Variants in MACROD2 observed in about 807,000 individuals in gnomAD.
MACROD2 encodes the protein ADP-ribose glycohydrolase MACROD2.
Under a neutral mutation model 70.4 loss-of-function variants are expected in MACROD2, and 36 were observed. The observed-to-expected ratio is 0.51, with a 90% CI of 0.39 to 0.68. The LOEUF (loss-of-function observed/expected upper bound fraction) is 0.68. MACROD2 is among the 30% of genes least tolerant of loss of function. The probability of loss-of-function intolerance (pLI) is 0.00; values close to 1 mark genes in which losing one functional copy is unlikely to be tolerated. For synonymous variants in MACROD2, 172 were observed against 178.8 expected, an observed-to-expected ratio of 0.96 and a Z score of 0.30; for missense variants, 496 against 538.4, an observed-to-expected ratio of 0.92 and a Z score of 0.78.
chr20:15,057,863 T>C (rs1328933442), intron 5 of MACROD2, among the ~76,000 whole-genome samples: 1 of 152,212 alleles, frequency 6.6e-6, no homozygotes, highest in African/African-American at 2.4e-5. Flanking sequence ...TTTTGATCTC[T>C]CACTGCCCCT....
rs1054354479 is a variant in MACROD2, at chr20:14,792,276, T to C, written c.418+107317T>C. Among the ~76,000 whole-genome samples, 11 of 152,148 alleles carry C rather than the reference T, an allele frequency of 7.2e-5. 1 individual carries two copies. Among genetic ancestry groups the C allele is most frequent in the Non-Finnish European group, 1.0e-4 (7 of 68,022 alleles). ...CTGTTAGATTAGTTCTGAATTGTTC[T>C]GTGTTACTTGTGGATACACACACAT... On this transcript the variant is annotated intron_variant, in intron 5 of 17. Coordinates refer to ENST00000684519, the MANE Select transcript of MACROD2 (RefSeq NM_001351661.2).
At chr20:14,163,818 A>G (rs1303937774) in intron 3 of MACROD2, among the ~76,000 whole-genome samples, 1 of 151,206 alleles carries the variant, frequency 6.6e-6, no homozygotes, top group Non-Finnish European at 1.5e-5. Flanking sequence ...TTTTTATGAT[A>G]TGTTTTTGGT....
At chr20:15,888,387 T>C (rs1364069414) in intron 10 of MACROD2, among the ~76,000 whole-genome samples, 1 of 152,166 alleles carries the variant, frequency 6.6e-6, no homozygotes, top group Non-Finnish European at 1.5e-5. Flanking sequence ...TGAAATGTCC[T>C]TGGAGTATCT....
At chr20:14,714,842 C>T (rs1568754529) in intron 5 of MACROD2, among the ~76,000 whole-genome samples, 2 of 152,166 alleles carry the variant, frequency 1.3e-5, no homozygotes, top group Non-Finnish European at 2.9e-5. Flanking sequence ...ATTACATGTG[C>T]GGTTTCACCA....
intron 5 of MACROD2, among the ~76,000 whole-genome samples, chr20:14,872,102 G>A (rs1160781283): frequency 1.3e-5 from 2 of 151,802 alleles, no homozygotes; most frequent in African/African-American, 4.8e-5. Context: ...GACAATATTC[G>A]ACAGATCACT....
intron 3 of MACROD2, among the ~76,000 whole-genome samples, chr20:14,357,698 G>A (rs1367901601): frequency 6.6e-6 from 1 of 152,220 alleles, no homozygotes; most frequent in Non-Finnish European, 1.5e-5. Context: ...ACTCTGGGTT[G>A]CAAACAACTG....
chr20:15,213,428 T>C (rs1245238422), intron 5 of MACROD2, among the ~76,000 whole-genome samples: 1 of 152,138 alleles, frequency 6.6e-6, no homozygotes, highest in Non-Finnish European at 1.5e-5. Context: ...GGGACCATTT[T>C]TTTTTTCCTA....
intron 8 of MACROD2, among the ~76,000 whole-genome samples, chr20:15,584,821 TC>T (rs2048574975): frequency 6.6e-6 from 1 of 152,134 alleles, no homozygotes; most frequent in African/African-American, 2.4e-5. Flanking sequence ...TGTGTCTACT[TC>T]CACTTTCCTC....
chr20:14,306,732 G>T (rs1314876857), intron 3 of MACROD2, among the ~76,000 whole-genome samples: 1 of 151,988 alleles, frequency 6.6e-6, no homozygotes, highest in Non-Finnish European at 1.5e-5. Context: ...AAATAGAGAG[G>T]CTGAGAGCAA....
intron 3 of MACROD2, among the ~76,000 whole-genome samples, chr20:14,343,957 C>T (rs1006954890): frequency 1.2e-4 from 18 of 152,162 alleles, no homozygotes; most frequent in Admixed American, 1.1e-3. Flanking sequence ...AGTATTGGTG[C>T]TAATTTTAGA....
intron 5 of MACROD2, among the ~76,000 whole-genome samples, chr20:15,172,208 G>A (rs1273207843): frequency 6.6e-6 from 1 of 152,038 alleles, no homozygotes; most frequent in Non-Finnish European, 1.5e-5. Context: ...AGTGGAGGAA[G>A]AGGCAAAAAG....
At chr20:14,262,570 A>G (rs73090760) in intron 3 of MACROD2, among the ~76,000 whole-genome samples, 2,545 of 152,330 alleles carry the variant, frequency 0.017, 37 homozygotes, top group Non-Finnish European at 0.026. Context: ...AAACCATGAA[A>G]GTGAATGTAA....
At chr20:14,608,667 A>G (rs1783620348) in intron 4 of MACROD2, among the ~76,000 whole-genome samples, 2 of 152,128 alleles carry the variant, frequency 1.3e-5, no homozygotes, top group African/African-American at 4.8e-5. Context: ...GAGTTTGACT[A>G]GTGGGAGGAT....
At position 14,485,528 on chromosome 20, in the gene MACROD2, C is replaced by T. The variant is rs184298322; in HGVS notation, c.272-7951C>T. On this transcript the variant is annotated intron_variant, in intron 3 of 17. Transcript: ENST00000684519. Reference sequence around the variant, plus strand: ...CATCCTGGCTAACACGGTGAAACCCCGTCTCTACTAAAAATACAAAAAATT... The same window carrying T: ...CATCCTGGCTAACACGGTGAAACCCTGTCTCTACTAAAAATACAAAAAATT... Among the ~76,000 whole-genome samples, 94 of 151,944 alleles carry T rather than the reference C, an allele frequency of 6.2e-4. 1 individual carries two copies. The East Asian group carries it at 0.015, about 24-fold the overall frequency.
chr20:14,653,841 C>G (rs566638032), intron 4 of MACROD2, among the ~76,000 whole-genome samples: 1 of 152,146 alleles, frequency 6.6e-6, no homozygotes, highest in Non-Finnish European at 1.5e-5. Context: ...AAAAAGCAGT[C>G]CCCTATTTAG....
intron 11 of MACROD2, 68 bp from the exon 12 acceptor site, chr20:15,937,408 G>A: frequency 7.0e-7 from 1 of 1,427,706 alleles, no homozygotes. Flanking sequence ...GAGGTGCAGG[G>A]CAGGAAAGCC....
At chr20:14,733,328 TTTGA>T (rs1434823459) in intron 5 of MACROD2, among the ~76,000 whole-genome samples, 5 of 152,146 alleles carry the variant, frequency 3.3e-5, no homozygotes, top group Non-Finnish European at 7.4e-5. Context: ...CCTGTGATAC[TTTGA>T]TTGGTGATAG....
chr20:15,083,444 T>C (rs2075720361), intron 5 of MACROD2, among the ~76,000 whole-genome samples: 2 of 152,186 alleles, frequency 1.3e-5, no homozygotes, highest in Non-Finnish European at 2.9e-5. Context: ...TAAAAGTAAA[T>C]TATACTCTTC....
chr20:15,633,275 A>G (rs936421655), intron 8 of MACROD2, among the ~76,000 whole-genome samples: 6 of 152,366 alleles, frequency 3.9e-5, no homozygotes, highest in Non-Finnish European at 8.8e-5. Flanking sequence ...GACAACAGCA[A>G]GAGTCACTAT....
Sources: allele counts gnomAD v4.1 joint callset (sites outside exome capture counted in the v4.1 genomes callset), GRCh38; gene constraint gnomAD v4.1.1; transcripts MANE v1.5; gene names NCBI Gene and HGNC (gene_info 2026-07-23, HGNC 2026-07-21).